Variants in ZFYVE9 observed in about 807,000 individuals in gnomAD.
ZFYVE9 encodes the protein zinc finger FYVE-type containing 9.
ZFYVE9 carries 43 observed loss-of-function variants against 126.7 expected under a neutral mutation model. That is an observed-to-expected ratio of 0.34 (90% CI 0.27 to 0.44). The LOEUF is 0.44. Ranked by LOEUF, ZFYVE9 falls within the 20% of genes least tolerant of loss-of-function variation. ZFYVE9 has a pLI of 1.00. For synonymous variants in ZFYVE9, 521 were observed against 597.4 expected (o/e 0.87, Z 1.87); for missense variants, 1,476 against 1,697.0 (o/e 0.87, Z 2.29).
intron 2 of ZFYVE9, among the ~76,000 whole-genome samples, chr1:52,230,333 G>A (rs536008446): frequency 3.9e-5 from 6 of 152,046 alleles, no homozygotes; most frequent in East Asian, 3.9e-4. Context: ...GCCCCACCCC[G>A]TCCTCCCAGT....
chr1:52,182,743 C>T lies in ZFYVE9; in HGVS notation c.-142-33626C>T, dbSNP rs370160617. Among the ~76,000 whole-genome samples, 20 of 147,156 alleles carry T rather than the reference C, an allele frequency of 1.4e-4. No homozygotes were observed. In the East Asian group the frequency reaches 3.7e-3, roughly 27 times the overall value. On this transcript the variant is annotated intron_variant, in intron 1 of 18. Transcript: ENST00000287727. ...TCTGCGAGAAACACCCAAGAATGAT[C>T]AATAAAAAATAAAATAAAAAATAAA...
rs766162916 is a variant in ZFYVE9, at chr1:52,293,563, C to G, written c.3136C>G (p.Leu1046Val). Residue 1046 changes from leucine (L) to valine (V), a missense_variant, in exon 11 of 19, where the codon CTA (leucine) becomes GTA (valine). Leu to Val is a conservative substitution (Grantham distance 32, BLOSUM62 1). Transcript: ENST00000287727. ...ATCTACCTACCAGTCACTGCAAGAC[C>G]TAGTACTCCCAACCCCACCTTACTT... Reference protein sequence around the residue: ...VTSTYQSLQDLVLPTPPYLFG... With the variant: ...VTSTYQSLQDVVLPTPPYLFG... 7 of 1,614,064 alleles carry G rather than the reference C, an allele frequency of 4.3e-6. No individual in the cohort carries two copies. In the South Asian group the frequency reaches 6.6e-5, roughly 15 times the overall value.
chr1:52,340,397 C>G (rs1646424744), intron 17 of ZFYVE9, among the ~76,000 whole-genome samples, 166 bp downstream of exon 17: 1 of 152,212 alleles, frequency 6.6e-6, no homozygotes, highest in African/African-American at 2.4e-5. Flanking sequence ...GGAAGAAATG[C>G]TGCCAGTTGC....
chr1:52,334,623 G>T, intron 14 of ZFYVE9, 65 bp from the exon 15 acceptor site: 1 of 1,514,704 alleles, frequency 6.6e-7, no homozygotes, highest in Non-Finnish European at 9.1e-7. Context: ...TGAATATTTT[G>T]TTATTATTTT....
At chr1:52,166,284 C>T (rs925876601) in intron 1 of ZFYVE9, among the ~76,000 whole-genome samples, 1 of 152,152 alleles carries the variant, frequency 6.6e-6, no homozygotes, top group Non-Finnish European at 1.5e-5. Context: ...TGTGCTTTCA[C>T]TACAGTTGTC....
At chr1:52,281,582 A>G (rs1645805850) in intron 9 of ZFYVE9, 79 bp from the exon 10 acceptor site, 1 of 1,511,096 alleles carries the variant, frequency 6.6e-7, no homozygotes, top group East Asian at 2.3e-5. Flanking sequence ...GTATTGTAAC[A>G]CAGATTTCTG....
chr1:52,229,229 T>C (rs1347584913), intron 2 of ZFYVE9, among the ~76,000 whole-genome samples: 1 of 152,228 alleles, frequency 6.6e-6, no homozygotes, highest in Non-Finnish European at 1.5e-5. Context: ...AGATTTGTCT[T>C]ATTGTCTCCT....
At chr1:52,180,514 C>CT (rs1427818292) in intron 1 of ZFYVE9, 1 of 765,212 alleles carries the variant, frequency 1.3e-6, no homozygotes, top group African/African-American at 1.7e-5. Flanking sequence ...GTGCAATGCT[C>CT]TGTCCCCATG....
At chr1:52,315,442 A>G (rs1401714165) in intron 13 of ZFYVE9, among the ~76,000 whole-genome samples, 1 of 152,162 alleles carries the variant, frequency 6.6e-6, no homozygotes, top group Admixed American at 6.5e-5. Flanking sequence ...ATAAAATAAC[A>G]TATATTAAAT....
chr1:52,254,066 A>G, intron 4 of ZFYVE9: 1 of 770,640 alleles, frequency 1.3e-6, no homozygotes, highest in East Asian at 2.5e-5. Flanking sequence ...CAAAATGGAA[A>G]AGACACCCAC....
chr1:52,264,972 G>A (rs1367966796), intron 5 of ZFYVE9, among the ~76,000 whole-genome samples: 1 of 151,972 alleles, frequency 6.6e-6, no homozygotes, highest in Non-Finnish European at 1.5e-5. Flanking sequence ...TTTCATTTTC[G>A]GGCACATATT....
At chr1:52,251,375 C>T (rs959619915) in intron 4 of ZFYVE9, among the ~76,000 whole-genome samples, 2 of 152,006 alleles carry the variant, frequency 1.3e-5, no homozygotes, top group African/African-American at 4.8e-5. Context: ...ACTTCTGTTA[C>T]TAGGGTTTTT....
At chr1:52,163,081 G>C in intron 1 of ZFYVE9, 1 of 211,460 alleles carries the variant, frequency 4.7e-6, no homozygotes, top group Non-Finnish European at 9.1e-6. Flanking sequence ...TTCACTTTTT[G>C]TACTTTGCGT....
intron 16 of ZFYVE9, among the ~76,000 whole-genome samples, chr1:52,339,022 A>T (rs980197864): frequency 2.0e-5 from 3 of 152,246 alleles, no homozygotes; most frequent in African/African-American, 7.2e-5. Flanking sequence ...AGAAAAAAAA[A>T]ATAGAGATTC....
chr1:52,211,026 T>A (rs1645023983), intron 1 of ZFYVE9, among the ~76,000 whole-genome samples: 1 of 152,164 alleles, frequency 6.6e-6, no homozygotes, highest in Non-Finnish European at 1.5e-5. Context: ...TCTTGAGGCT[T>A]GCTCATTCAC....
intron 4 of ZFYVE9, among the ~76,000 whole-genome samples, chr1:52,244,897 C>T (rs1440230353): frequency 6.6e-6 from 1 of 152,038 alleles, no homozygotes; most frequent in Non-Finnish European, 1.5e-5. Flanking sequence ...GTGGCTCATG[C>T]CTGTAATCTC....
At chr1:52,312,452 G>T (rs1646147248) in intron 13 of ZFYVE9, among the ~76,000 whole-genome samples, 1 of 152,148 alleles carries the variant, frequency 6.6e-6, no homozygotes, top group South Asian at 2.1e-4. Flanking sequence ...TAGTAGTACA[G>T]TGTCAGGCGT....
At chr1:52,167,362 G>T (rs1336147108) in intron 1 of ZFYVE9, among the ~76,000 whole-genome samples, 1 of 152,194 alleles carries the variant, frequency 6.6e-6, no homozygotes, top group Admixed American at 6.5e-5. Flanking sequence ...GCACTTGATA[G>T]TGTTTCAGCA....
chr1:52,339,523 TCAGA>T (rs1251968433), intron 16 of ZFYVE9, among the ~76,000 whole-genome samples: 1 of 152,102 alleles, frequency 6.6e-6, no homozygotes, highest in Non-Finnish European at 1.5e-5. Flanking sequence ...ACTCCTGAGC[TCAGA>T]CAGTCTACCC....
Sources: allele counts gnomAD v4.1 joint callset (sites outside exome capture counted in the v4.1 genomes callset), GRCh38; gene constraint gnomAD v4.1.1; transcripts MANE v1.5; gene names NCBI Gene and HGNC (gene_info 2026-07-23, HGNC 2026-07-21).